Variants in DLG2 observed in about 807,000 individuals in gnomAD.
DLG2 encodes the protein discs large MAGUK scaffold protein 2, also known as disks large homolog 2.
Under a neutral mutation model 132.5 loss-of-function variants are expected in DLG2, and 45 were observed. The observed-to-expected ratio is 0.34, with a 90% confidence interval of 0.27 to 0.44. The LOEUF is 0.44. DLG2 is among the 20% of genes least tolerant of loss of function. DLG2 has a pLI of 1.00. For synonymous variants in DLG2, 424 were observed against 419.6 expected (o/e 1.01, Z -0.13); for missense variants, 1,045 against 1,196.9 (o/e 0.87, Z 1.87).
chr11:85,352,208 T>C (rs1335734912), intron 3 of DLG2, among the ~76,000 whole-genome samples: 1 of 152,240 alleles, frequency 6.6e-6, no homozygotes, highest in East Asian at 1.9e-4. Context: ...GACGTGTTTA[T>C]AGTATTCTCT....
intron 7 of DLG2, among the ~76,000 whole-genome samples, chr11:84,356,396 G>T (rs11821719): frequency 6.6e-6 from 1 of 151,958 alleles, no homozygotes; most frequent in Non-Finnish European, 1.5e-5. Context: ...AACAAACAAA[G>T]AACCTGTATA....
At chr11:85,077,420 A>C (rs1271833829) in intron 6 of DLG2, among the ~76,000 whole-genome samples, 1 of 152,006 alleles carries the variant, frequency 6.6e-6, no homozygotes, top group Non-Finnish European at 1.5e-5. Context: ...CAAAAAGCCT[A>C]TGCTAGTGGA....
intron 3 of DLG2, among the ~76,000 whole-genome samples, chr11:85,492,928 A>G (rs1019255291): frequency 6.6e-6 from 1 of 152,128 alleles, no homozygotes; most frequent in Non-Finnish European, 1.5e-5. Flanking sequence ...ACAACATCAG[A>G]CATTTCAAGC....
chr11:84,533,724 C>A (rs1205799422), intron 7 of DLG2, among the ~76,000 whole-genome samples: 3 of 151,614 alleles, frequency 2.0e-5, no homozygotes, highest in African/African-American at 7.3e-5. Flanking sequence ...AATGAATGTT[C>A]TCGGTGATGA....
intron 7 of DLG2, among the ~76,000 whole-genome samples, chr11:84,529,775 A>G (rs1335970605): frequency 1.3e-5 from 2 of 152,210 alleles, no homozygotes; most frequent in African/African-American, 4.8e-5. Context: ...ACATTCTTCA[A>G]AGAATTAGAG....
intron 18 of DLG2, among the ~76,000 whole-genome samples, chr11:83,751,541 T>C (rs1005778870): frequency 1.8e-4 from 28 of 152,130 alleles, no homozygotes; most frequent in Admixed American, 1.7e-3. Context: ...ATGATAGTTA[T>C]ATGGACTAGG....
intron 6 of DLG2, among the ~76,000 whole-genome samples, chr11:84,624,419 T>C (rs2099618760): frequency 1.3e-5 from 2 of 152,194 alleles, no homozygotes; most frequent in African/African-American, 4.8e-5. Flanking sequence ...TAAAACCTTG[T>C]AAACATCTTA....
intron 6 of DLG2, among the ~76,000 whole-genome samples, chr11:84,671,218 C>G (rs1285553954): frequency 6.6e-6 from 1 of 152,018 alleles, no homozygotes; most frequent in Admixed American, 6.6e-5. Context: ...CCTATCTCAG[C>G]CTTCTGAGTA....
At chr11:84,737,264 G>T (rs1283395978) in intron 6 of DLG2, among the ~76,000 whole-genome samples, 1 of 151,816 alleles carries the variant, frequency 6.6e-6, no homozygotes, top group Non-Finnish European at 1.5e-5. Flanking sequence ...AATTTATTTA[G>T]AACTTTTTCC....
chr11:85,296,961 A>T (rs888319729), intron 3 of DLG2, among the ~76,000 whole-genome samples: 1 of 150,602 alleles, frequency 6.6e-6, no homozygotes, highest in African/African-American at 2.4e-5. Flanking sequence ...TATATTAATT[A>T]TATAAAGTTA....
rs59586929 is a variant in DLG2 at position 83,883,183 on chromosome 11, GTTCC to G, written c.1497-8699_1497-8696del. Among the ~76,000 whole-genome samples the G allele has an allele frequency of 2.1e-3, 321 of 152,176 alleles. 1 individual carries two copies. The highest frequency in any genetic ancestry group is 7.6e-3 in the African/African-American group (317 of 41,506). ...AATTTGAGAACAGTTAACATATCGT[GTTCC>G]TTCATCTTTTTTTTATATGTGAGGG... On this transcript the variant is annotated intron_variant, in intron 15 of 27. Transcript: ENST00000376104.
intron 19 of DLG2, among the ~76,000 whole-genome samples, chr11:83,549,432 G>C (rs1438763840): frequency 6.6e-6 from 1 of 152,100 alleles, no homozygotes; most frequent in African/African-American, 2.4e-5. Flanking sequence ...TATTTGCAGA[G>C]ATTCAATGAG....
chr11:85,089,422 AT>A (rs1366788531), intron 6 of DLG2, among the ~76,000 whole-genome samples: 2 of 152,110 alleles, frequency 1.3e-5, no homozygotes, highest in Non-Finnish European at 2.9e-5. Flanking sequence ...GCTTATGATA[AT>A]AGTCTTCAGA....
intron 19 of DLG2, among the ~76,000 whole-genome samples, chr11:83,569,027 A>G (rs1467814974): frequency 6.6e-6 from 1 of 152,186 alleles, no homozygotes; most frequent in Non-Finnish European, 1.5e-5. Flanking sequence ...CAAAGGAATA[A>G]TGTTGGTTTT....
chr11:84,137,774 C>G (rs2094665185), intron 9 of DLG2, among the ~76,000 whole-genome samples: 1 of 151,970 alleles, frequency 6.6e-6, no homozygotes, highest in African/African-American at 2.4e-5. Flanking sequence ...AAGAATGATA[C>G]ACAGCCTTCT....
At chr11:84,897,788 T>C (rs1431723774) in intron 6 of DLG2, among the ~76,000 whole-genome samples, 2 of 151,936 alleles carry the variant, frequency 1.3e-5, no homozygotes, top group Non-Finnish European at 2.9e-5. Context: ...TATGATTTTA[T>C]AACTTCTTTA....
chr11:85,233,741 T>C (rs1012226709), intron 4 of DLG2, among the ~76,000 whole-genome samples: 3 of 151,056 alleles, frequency 2.0e-5, no homozygotes, highest in African/African-American at 7.3e-5. Context: ...TTTTTCAAGA[T>C]TGCTGCATCA....
intron 9 of DLG2, among the ~76,000 whole-genome samples, chr11:84,121,256 T>C (rs998813787): frequency 6.6e-6 from 1 of 152,194 alleles, no homozygotes; most frequent in Non-Finnish European, 1.5e-5. Context: ...GTCTCTTCTA[T>C]AAAATGGGGT....
At chr11:85,431,280 T>C (rs2091164909) in intron 3 of DLG2, among the ~76,000 whole-genome samples, 2 of 151,638 alleles carry the variant, frequency 1.3e-5, no homozygotes, top group African/African-American at 4.8e-5. Context: ...GGAAGACCAG[T>C]GTGGTGCAGT....
Sources: allele counts gnomAD v4.1 joint callset (sites outside exome capture counted in the v4.1 genomes callset), GRCh38; gene constraint gnomAD v4.1.1; transcripts MANE v1.5; gene names NCBI Gene and HGNC (gene_info 2026-07-23, HGNC 2026-07-21).